The following SYNE2 variants were observed in gnomAD, a reference collection of about 807,000 sequenced individuals.
The protein encoded by SYNE2 is spectrin repeat containing nuclear envelope protein 2.
A neutral mutation model predicts 856.3 loss-of-function variants in SYNE2; 431 were observed. The ratio of observed to expected loss-of-function variants is 0.50; its 90% CI spans 0.47 to 0.55. SYNE2 has a LOEUF of 0.55. SYNE2 is among the 20% of genes least tolerant of loss of function. The pLI is 0.00. For missense variants in SYNE2, 8,129 were observed against 8,023.2 expected (o/e 1.01, Z -0.50); for synonymous variants, 2,923 against 2,872.3 (o/e 1.02, Z -0.56).
chr14:63,970,839 GAC>G (rs765822712), intron 11 of SYNE2, among the ~76,000 whole-genome samples: 2 of 151,238 alleles, frequency 1.3e-5, no homozygotes, highest in Non-Finnish European at 2.9e-5. Flanking sequence ...TTTTATTAGA[GAC>G]AGAGTTTCAC....
chr14:63,807,457 G>T (rs1344597131), intron 1 of SYNE2, among the ~76,000 whole-genome samples: 1 of 152,014 alleles, frequency 6.6e-6, no homozygotes, highest in Non-Finnish European at 1.5e-5. Context: ...TGTAAGGTTT[G>T]CAGAAAAGGA....
rs760049132 is a variant in SYNE2, at chr14:64,119,620, A to AT, written c.13023+11_13023+12insT. The AT allele has an allele frequency of 1.9e-6, 3 of 1,613,666 alleles. No homozygotes were observed. In the African/African-American group the frequency reaches 4.0e-5, roughly 22 times the overall value. On this transcript the variant is annotated intron_variant, in intron 67 of 115. Transcript: ENST00000555002. ...CACAGTGAAGATCAGGTAAAAAATGACTATCTATGGACATTCATCTTGATA... is the reference window on the plus strand; with the variant it reads ...CACAGTGAAGATCAGGTAAAAAATGATCTATCTATGGACATTCATCTTGATA...
At chr14:64,176,671 A>G (rs1188885979) in intron 95 of SYNE2, among the ~76,000 whole-genome samples, 1 of 152,242 alleles carries the variant, frequency 6.6e-6, no homozygotes, top group African/African-American at 2.4e-5. Context: ...GTCAATGCTA[A>G]CAGTTACTCC....
chr14:63,772,126 A>C lies in SYNE2; in HGVS notation c.-305+10140A>C, dbSNP rs111558566. On this transcript the variant is annotated intron_variant, in intron 1 of 23. Transcript: ENST00000674003. ...CCAGCACTTTGGGAGGCCAAGATGCATGCATCCCTTGAGCCCAGGCATTTG... is the reference window on the plus strand; with the variant it reads ...CCAGCACTTTGGGAGGCCAAGATGCCTGCATCCCTTGAGCCCAGGCATTTG... Among the ~76,000 whole-genome samples, 34 of 152,128 alleles carry C rather than the reference A, an allele frequency of 2.2e-4. 1 individual carries two copies. The highest frequency in any genetic ancestry group is 1.5e-4 in the Non-Finnish European group (10 of 68,026).
At chr14:63,816,257 T>A (rs1888989085) in intron 1 of SYNE2, among the ~76,000 whole-genome samples, 2 of 152,106 alleles carry the variant, frequency 1.3e-5, no homozygotes, top group African/African-American at 4.8e-5. Flanking sequence ...TAAATTATTA[T>A]TATTACCATA....
chr14:64,217,877 A>C (rs1256756286), intron 108 of SYNE2, among the ~76,000 whole-genome samples: 1 of 152,198 alleles, frequency 6.6e-6, no homozygotes. Context: ...GCTGTGTGAT[A>C]ACAGAAGAGT....
intron 78 of SYNE2, among the ~76,000 whole-genome samples, chr14:64,134,880 G>T (rs1595752528): frequency 6.6e-6 from 1 of 151,952 alleles, no homozygotes; most frequent in East Asian, 1.9e-4. Context: ...CCAGTTACTT[G>T]GGAGGCTGAG....
intron 45 of SYNE2, chr14:64,034,556 A>T (rs1474288730): frequency 1.9e-6 from 1 of 532,698 alleles, no homozygotes; most frequent in Non-Finnish European, 3.4e-6. Flanking sequence ...ATATATTTGA[A>T]TCCATTGTCA....
intron 45 of SYNE2, among the ~76,000 whole-genome samples, chr14:64,038,278 T>C (rs1291270687): frequency 9.0e-5 from 13 of 145,002 alleles, no homozygotes; most frequent in East Asian, 8.2e-4. Flanking sequence ...ACTTCCTAGA[T>C]GGGATGGGGG....
intron 67 of SYNE2, among the ~76,000 whole-genome samples, chr14:64,120,416 A>G (rs1311952406): frequency 1.3e-5 from 2 of 152,364 alleles, no homozygotes; most frequent in East Asian, 3.9e-4. Flanking sequence ...AAGAAGTAAG[A>G]TGATCACTTC....
chr14:64,113,820 G>A (rs1158884470), intron 66 of SYNE2, among the ~76,000 whole-genome samples: 4 of 152,038 alleles, frequency 2.6e-5, no homozygotes, highest in South Asian at 2.1e-4. Context: ...TGTGAACTTC[G>A]GGAAGTGAAC....
chr14:64,012,129 G>A (rs181458357), intron 32 of SYNE2, among the ~76,000 whole-genome samples: 1 of 152,306 alleles, frequency 6.6e-6, no homozygotes, highest in African/African-American at 2.4e-5. Flanking sequence ...CTGCCTTAAT[G>A]ATTACCTTGA....
Position 64,142,030 on chromosome 14 carries a change from A to G in SYNE2, c.15248A>G (p.Asp5083Gly), listed in dbSNP as rs149617373. 1.1e-3 allele frequency: 1,780 copies of G among 1,614,036 alleles called. 3 individuals are homozygous for G. Among genetic ancestry groups the G allele is most frequent in the Non-Finnish European group, 1.3e-3 (1,579 of 1,179,978 alleles). ...GTGGAGCATCAAACTTCAGATGAAG[A>G]CTCCGTGCATTCACCAAGTTCTGCA... ...NNVEHQTSDEDSVHSPSSASQ... is the reference protein window; with the variant it reads ...NNVEHQTSDEGSVHSPSSASQ... The change falls in exon 82 of 116, where the codon GAC becomes GGC. Residue 5083 changes from aspartate (D) to glycine (G), a missense_variant. By Grantham distance (94) the Asp-to-Gly change is moderately conservative. This residue lies in a region of SYNE2 where 5,410 missense variants were observed against 5,284.8 expected (regional missense o/e 1.02). Coordinates refer to ENST00000555002, the MANE Select transcript of SYNE2 (RefSeq NM_182914.3).
At chr14:63,867,589 TGAGG>T (rs1288264246) in intron 1 of SYNE2, among the ~76,000 whole-genome samples, 3 of 151,982 alleles carry the variant, frequency 2.0e-5, no homozygotes, top group African/African-American at 7.2e-5. Context: ...TCCCAGCTAC[TGAGG>T]AGGCTGAGGC....
At chr14:64,055,685 T>C (rs577049244) in intron 48 of SYNE2, among the ~76,000 whole-genome samples, 12 of 152,242 alleles carry the variant, frequency 7.9e-5, no homozygotes, top group African/African-American at 2.9e-4. Flanking sequence ...ACTTTTTTAA[T>C]ACAATGTTAT....
intron 108 of SYNE2, chr14:64,218,106 T>G: frequency 1.0e-5 from 4 of 383,080 alleles, no homozygotes; most frequent in Non-Finnish European, 2.0e-5. Flanking sequence ...GTGTGGATCA[T>G]TTGAGGGGTG....
chr14:63,802,191 C>T (rs1371195195), intron 1 of SYNE2, among the ~76,000 whole-genome samples: 2 of 151,750 alleles, frequency 1.3e-5, no homozygotes, highest in African/African-American at 4.8e-5. Context: ...ACTGCAACCT[C>T]CGCCTCTCAG....
At chr14:64,223,797 G>A (rs2098705537) in intron 113 of SYNE2, among the ~76,000 whole-genome samples, 1 of 152,006 alleles carries the variant, frequency 6.6e-6, no homozygotes, top group Non-Finnish European at 1.5e-5. Flanking sequence ...CCCAGACTGT[G>A]GCCTCACCAG....
chr14:63,762,047 G>A, intron 1 of SYNE2: 1 of 503,180 alleles, frequency 2.0e-6, no homozygotes, highest in Non-Finnish European at 4.1e-6. Flanking sequence ...CTTGACTCAG[G>A]AGGCGTTGGA....
Sources: gnomAD v4.1 joint callset for allele counts (sites outside exome capture counted in the v4.1 genomes callset) on GRCh38, gnomAD v4.1.1 for gene constraint, gnomAD v4.1.1 regional missense constraint, MANE v1.5 for transcripts, NCBI Gene and HGNC (gene_info 2026-07-23, HGNC 2026-07-21) for gene names.